RALGDS: variants seen among roughly 807,000 people sequenced by gnomAD.
The protein encoded by RALGDS is ral guanine nucleotide dissociation stimulator, also known as ral guanine nucleotide exchange factor.
A neutral mutation model predicts 99.8 loss-of-function variants in RALGDS; 44 were observed. The ratio of observed to expected loss-of-function variants is 0.44; its 90% CI spans 0.35 to 0.57. The LOEUF (loss-of-function observed/expected upper bound fraction) is 0.57. Among genes scored for constraint, RALGDS ranks in the 20% least tolerant of loss-of-function variants. RALGDS has a pLI of 0.01. For synonymous variants in RALGDS, 529 were observed against 505.0 expected (o/e 1.05, Z -0.64); for missense variants, 1,022 against 1,203.1 (o/e 0.85, Z 2.23).
rs142772650 is a variant in RALGDS at position 133,108,021 on chromosome 9, A to G, written c.1164T>C (p.Asp388=). Residue 388 remains aspartate, a synonymous_variant, in exon 6 of 18, where the codon GAT becomes GAC. Transcript: ENST00000372050. ...EKPHLLVFPP[D]LVAEQFTLMD... is the part of the protein sequence containing the mutation. The stretch of plus-strand genomic sequence containing the variant: ...TCAGTGTAAACTGCTCTGCCACCAG[A>G]TCTGGAGGGAACACCAAGAGGTGAG... 6.2e-3 allele frequency: 9,946 copies of G among 1,613,400 alleles called. 39 individuals are homozygous for G. Among genetic ancestry groups the G allele is most frequent in the Non-Finnish European group, 7.8e-3 (9,216 of 1,180,006 alleles).
At position 133,100,359 on chromosome 9, in the gene RALGDS, C is replaced by T. The variant is rs151220319; in HGVS notation, c.2478G>A (p.Pro826=). The part of the protein sequence containing the change: ...SILVTSQDKA[P]AVIRKAMDKH... The stretch of plus-strand genomic sequence containing the variant: ...TGTCCATGGCCTTGCGGATTACAGC[C>T]GGAGCCTTATCTTGGCTGGTCACCT... The change falls in exon 17 of 18, where the codon CCG becomes CCA. Residue 826 remains proline (P), a synonymous_variant. Coordinates refer to ENST00000372050, the MANE Select transcript of RALGDS (RefSeq NM_006266.4). The T allele has an allele frequency of 1.5e-5, 25 of 1,614,176 alleles. No individual in the cohort carries two copies. The East Asian group carries it at 1.8e-4, about 12-fold the overall frequency.
chr9:133,125,288 G>T (rs1832113207), upstream of RALGDS, among the ~76,000 whole-genome samples: 1 of 152,220 alleles, frequency 6.6e-6, no homozygotes, highest in Non-Finnish European at 1.5e-5. Flanking sequence ...ACATGCCTGG[G>T]ATTCATGTAA....
chr9:133,131,259 A>T, upstream of RALGDS: 28 of 73,658 alleles, frequency 3.8e-4, no homozygotes, highest in Admixed American at 1.2e-3. Flanking sequence ...GGAGACTCTC[A>T]GGGGATGTGG....
chr9:133,143,668 G>A (rs1832562343), intron 1 of RALGDS, among the ~76,000 whole-genome samples: 1 of 151,450 alleles, frequency 6.6e-6, no homozygotes, highest in Non-Finnish European at 1.5e-5. Context: ...GAGCCCAGGA[G>A]GTCGAGGACG....
At chr9:133,103,693 T>C in intron 11 of RALGDS, 54 bp downstream of exon 11, 1 of 1,562,430 alleles carries the variant, frequency 6.4e-7, no homozygotes, top group Non-Finnish European at 8.8e-7. Context: ...CCCCCAGGGC[T>C]CAGGGAAGGT....
At chr9:133,109,763 G>C (rs1311498410) in intron 3 of RALGDS, 42 bp from the exon 4 acceptor site, 2 of 1,544,890 alleles carry the variant, frequency 1.3e-6, no homozygotes, top group Admixed American at 1.7e-5. Flanking sequence ...TCTCCGACTA[G>C]AACGGAGGCC....
At chr9:133,134,947 G>A (rs189462295), upstream of RALGDS, among the ~76,000 whole-genome samples, 11 of 152,094 alleles carry the variant, frequency 7.2e-5, no homozygotes, top group Non-Finnish European at 1.6e-4. Flanking sequence ...TCAGGTTTGC[G>A]CTCCCAGTCA....
intron 11 of RALGDS, 104 bp downstream of exon 11, chr9:133,103,643 G>A (rs1055841492): frequency 4.2e-6 from 5 of 1,192,528 alleles, no homozygotes; most frequent in African/African-American, 1.5e-5. Flanking sequence ...GCAGGGCACT[G>A]AGCTGTTTAC....
intron 17 of RALGDS, 182 bp downstream of exon 17, chr9:133,100,086 G>A: frequency 1.4e-6 from 1 of 696,256 alleles, no homozygotes; most frequent in Admixed American, 2.1e-5. Context: ...GGCACACACT[G>A]GGGAGGTCCA....
At chr9:133,148,749 C>T (rs1217070104) in intron 1 of RALGDS, among the ~76,000 whole-genome samples, 1 of 152,238 alleles carries the variant, frequency 6.6e-6, no homozygotes, top group East Asian at 1.9e-4. Flanking sequence ...CCCTTCATCT[C>T]TGGACTCCGC....
intron 1 of RALGDS, among the ~76,000 whole-genome samples, chr9:133,143,816 T>C: frequency 8.4e-6 from 1 of 118,964 alleles, no homozygotes. Flanking sequence ...ATAATAATAA[T>C]AATAAAATAA....
At chr9:133,143,765 TAATAATAACAACAACAACAAC>T (rs1294860323) in intron 1 of RALGDS, among the ~76,000 whole-genome samples, 1,418 of 107,576 alleles carry the variant, frequency 0.013, 21 homozygotes, top group African/African-American at 0.06. Context: ...ATAATAATAA[TAATAATAACAACAACAACAAC>T]AATAATAATA....
At chr9:133,133,127 C>T (rs1231076359), upstream of RALGDS, among the ~76,000 whole-genome samples, 1 of 152,088 alleles carries the variant, frequency 6.6e-6, no homozygotes, top group Non-Finnish European at 1.5e-5. Flanking sequence ...CCCACTCCAG[C>T]CCAGCTTCCC....
At position 133,148,936 on chromosome 9, in the gene RALGDS, G is replaced by A. The variant is rs373546250; in HGVS notation, c.18+27C>T. 7.1e-4 allele frequency: 1,145 copies of A among 1,601,506 alleles called. 7 individuals carry two copies. The East Asian group carries it at 9.1e-3, about 13-fold the overall frequency. ...ATACGGTCCTCCCTCCACCCGCGAC[G>A]CGAGGCTGGGGACGGCGCGCACTCA... On this transcript the variant is annotated intron_variant, in intron 1 of 17. Transcript: ENST00000393160.
chr9:133,098,889 C>A, intron 17 of RALGDS, 127 bp from the exon 18 acceptor site: 1 of 900,208 alleles, frequency 1.1e-6, no homozygotes, highest in East Asian at 2.6e-5. Context: ...CAATACAGCT[C>A]CAGAACTCCA....
At chr9:133,137,275 G>GC (rs936364995) in intron 1 of RALGDS, among the ~76,000 whole-genome samples, 33 of 152,358 alleles carry the variant, frequency 2.2e-4, no homozygotes, top group African/African-American at 7.9e-4. Flanking sequence ...GTCCTTTCAT[G>GC]CCCCCCATGG....
chr9:133,117,621 T>C (rs2365216), intron 1 of RALGDS, among the ~76,000 whole-genome samples: 1 of 152,174 alleles, frequency 6.6e-6, no homozygotes, highest in Admixed American at 6.5e-5. Flanking sequence ...TGAGGCTGCA[T>C]GCATCAGTGT....
At position 133,097,942 on chromosome 9, in the gene RALGDS, G is replaced by A. The variant is rs1830579433; in HGVS notation, c.*645C>T. The A allele has an allele frequency of 4.3e-6, 1 of 231,294 alleles. No individual in the cohort carries two copies. Among genetic ancestry groups the A allele is most frequent in the African/African-American group, 2.2e-5 (1 of 44,806 alleles). 14.3% of individuals were successfully genotyped at this position (231,294 alleles called of 1,614,324 possible). ...CAGGACGCAGTGGTGAATGGCACTTGCAGTGGCATGAGATTCAACATCGAT... is the reference window on the plus strand; with the variant it reads ...CAGGACGCAGTGGTGAATGGCACTTACAGTGGCATGAGATTCAACATCGAT... On this transcript the variant is annotated 3_prime_UTR_variant, in exon 18 of 18. Coordinates refer to ENST00000372050, the MANE Select transcript of RALGDS (RefSeq NM_006266.4).
At chr9:133,131,195 G>A, upstream of RALGDS, 3 of 1,356,576 alleles carry the variant, frequency 2.2e-6, no homozygotes, top group African/African-American at 1.5e-5. Context: ...TGGGCCTTAG[G>A]GGACCCAGCT....
Sources: allele counts gnomAD v4.1 joint callset (sites outside exome capture counted in the v4.1 genomes callset), GRCh38; gene constraint gnomAD v4.1.1; transcripts MANE v1.5; gene names NCBI Gene and HGNC (gene_info 2026-07-23, HGNC 2026-07-21).